The following PRRX1 variants were observed in gnomAD, a reference collection of about 807,000 sequenced individuals.
PRRX1 encodes the protein paired mesoderm homeobox protein 1.
PRRX1 carries 8 observed loss-of-function variants against 24.0 expected under a neutral mutation model. That is an observed-to-expected ratio of 0.33 (90% CI 0.20 to 0.60). PRRX1 has a LOEUF of 0.60. PRRX1 is among the 20% of genes least tolerant of loss of function. PRRX1 has a pLI of 0.82. For synonymous variants in PRRX1, 160 were observed against 131.7 expected (o/e 1.22, Z -1.47); for missense variants, 281 against 322.4 (o/e 0.87, Z 0.98).
intron 1 of PRRX1, among the ~76,000 whole-genome samples, chr1:170,708,668 C>T (rs2101909631): frequency 6.6e-6 from 1 of 152,290 alleles, no homozygotes; most frequent in Middle Eastern, 3.4e-3. Context: ...TATGTATCAT[C>T]ATTATCAAAG....
At chr1:170,696,346 G>T (rs1230841152) in intron 1 of PRRX1, among the ~76,000 whole-genome samples, 1 of 152,102 alleles carries the variant, frequency 6.6e-6, no homozygotes, top group East Asian at 1.9e-4. Flanking sequence ...TATATTTTAC[G>T]TCCTACATTG....
chr1:170,735,249 C>T (rs1391147739), intron 3 of PRRX1, among the ~76,000 whole-genome samples: 1 of 152,064 alleles, frequency 6.6e-6, no homozygotes, highest in Admixed American at 6.6e-5. Flanking sequence ...TAATCTATGA[C>T]AATGAAAAAC....
chr1:170,690,512 T>C (rs1653902367), intron 1 of PRRX1, among the ~76,000 whole-genome samples: 1 of 152,122 alleles, frequency 6.6e-6, no homozygotes. Context: ...AGAAAGTCAG[T>C]TGGATCTTAG....
intron 1 of PRRX1, among the ~76,000 whole-genome samples, chr1:170,711,105 T>C (rs1183369693): frequency 6.6e-6 from 1 of 152,248 alleles, no homozygotes; most frequent in East Asian, 1.9e-4. Flanking sequence ...GAATTTTATT[T>C]CATCTAAAAA....
rs576589132 is a variant in PRRX1 at position 170,738,814 on chromosome 1, C to A, written c.*2628C>A. 1 of 228,792 alleles carries A rather than the reference C, an allele frequency of 4.4e-6. No homozygotes were observed. Among genetic ancestry groups the A allele is most frequent in the African/African-American group, 2.2e-5 (1 of 45,144 alleles). 14.2% of individuals were successfully genotyped at this position (228,792 alleles called of 1,614,324 possible). ...AACAGCAAAGCCTGAACCCATAAAC[C>A]CAAATGATAGGTGAAGTTGGGTGGT... is the stretch of plus-strand genomic sequence containing the variant. On this transcript the variant is annotated 3_prime_UTR_variant, in exon 4 of 4. Transcript: ENST00000239461.
At chr1:170,681,799 C>G (rs1341598854) in intron 1 of PRRX1, among the ~76,000 whole-genome samples, 1 of 152,166 alleles carries the variant, frequency 6.6e-6, no homozygotes. Flanking sequence ...ACAACCTTAA[C>G]TCACAGGTGG....
intron 1 of PRRX1, among the ~76,000 whole-genome samples, chr1:170,710,140 A>C (rs928147670): frequency 6.8e-4 from 103 of 152,322 alleles, no homozygotes; most frequent in Non-Finnish European, 2.8e-4. Flanking sequence ...TGGTAATTAC[A>C]TTACAGCCCT....
intron 1 of PRRX1, among the ~76,000 whole-genome samples, chr1:170,705,483 A>G (rs758423362): frequency 1.6e-4 from 24 of 152,078 alleles, no homozygotes; most frequent in Non-Finnish European, 3.1e-4. Flanking sequence ...GGGTTTCGCA[A>G]TGTTGCTCAG....
At chr1:170,670,196 G>A (rs1653101469) in intron 1 of PRRX1, among the ~76,000 whole-genome samples, 1 of 152,150 alleles carries the variant, frequency 6.6e-6, no homozygotes, top group Admixed American at 6.5e-5. Flanking sequence ...ATTTTACTTT[G>A]ATGCTTTTTG....
intron 1 of PRRX1, among the ~76,000 whole-genome samples, chr1:170,692,785 G>A (rs1654038724): frequency 6.8e-6 from 1 of 148,064 alleles, no homozygotes; most frequent in Non-Finnish European, 1.5e-5. Context: ...ACACGCACAT[G>A]CATCTCTCAC....
intron 1 of PRRX1, among the ~76,000 whole-genome samples, chr1:170,672,927 C>G: frequency 6.6e-6 from 1 of 152,026 alleles, no homozygotes; most frequent in East Asian, 1.9e-4. Context: ...AGCAGTTTGC[C>G]GAAAATCTGT....
chr1:170,726,404 G>A lies in PRRX1; in HGVS notation c.599+3G>A. 6.2e-7 allele frequency: 1 copy of A among 1,613,688 alleles called. No individual in the cohort carries two copies. Among genetic ancestry groups the A allele is most frequent in the Non-Finnish European group, 8.5e-7 (1 of 1,179,636 alleles). On this transcript the variant is annotated splice_donor_region_variant and intron_variant, in intron 3 of 3. Transcript: ENST00000239461. ...TGGGGGACAGCGTCTCCGTACAGGT[G>A]AATGACTGGCCCACTCTCCCTTGCT...
In PRRX1 at chr1:170,736,274, GA is replaced by G. The variant is rs1267748978; in HGVS notation, c.*93del. The G allele has an allele frequency of 1.4e-5, 21 of 1,532,854 alleles. No homozygotes were observed. In the Admixed American group the frequency reaches 3.2e-4, roughly 24 times the overall value. The allele number at this position is 1,532,854 out of a possible 1,614,324, so 95.0% of individuals were successfully genotyped here. The stretch of plus-strand genomic sequence containing the variant: ...CTGTTATTTCTTCATCTGCTGGGGG[GA>G]AAAAGTAAATTACAAACAAACAAAC... On this transcript the variant is annotated 3_prime_UTR_variant, in exon 4 of 4. Coordinates refer to ENST00000239461, the MANE Select transcript of PRRX1 (RefSeq NM_022716.4).
rs1355740920 is a variant in PRRX1, at chr1:170,664,298, C to T, written c.80C>T (p.Thr27Ile). The change falls in exon 1 of 4, where the codon ACC (threonine) becomes ATC (isoleucine). Residue 27 changes from threonine to isoleucine, a missense_variant. Transcript: ENST00000239461. ...TTGGACAGCCCGGGCAACCTCGACA[C>T]CCTGCAGGCGAAAAAGAACTTCTCC... ...GRLDSPGNLD[T>I]LQAKKNFSVS... 1 of 1,613,546 alleles carries T rather than the reference C, an allele frequency of 6.2e-7. No individual in the cohort carries two copies. The highest frequency in any genetic ancestry group is 1.7e-5 in the Admixed American group (1 of 59,966).
chr1:170,724,402 C>G (rs1417503056), intron 2 of PRRX1, among the ~76,000 whole-genome samples: 1 of 152,030 alleles, frequency 6.6e-6, no homozygotes, highest in Non-Finnish European at 1.5e-5. Flanking sequence ...TCTTCTAGAG[C>G]TTTTATAGTT....
chr1:170,719,120 C>G (rs888708133), intron 1 of PRRX1, among the ~76,000 whole-genome samples: 2 of 152,152 alleles, frequency 1.3e-5, no homozygotes, highest in Non-Finnish European at 2.9e-5. Context: ...TAGGCTGAGG[C>G]CTCTGAAGCC....
In PRRX1 at chr1:170,732,776, A is replaced by G. The variant is rs561704512; in HGVS notation, c.600-3272A>G. Among the ~76,000 whole-genome samples, 3 of 152,158 alleles carry G rather than the reference A, an allele frequency of 2.0e-5. No homozygotes were observed. The South Asian group carries it at 6.2e-4, about 32-fold the overall frequency. ...AATTTTGAAAGTTTATACATTTCCT[A>G]AGCATTTATCAAGGGAAAATATTAT... On this transcript the variant is annotated intron_variant, in intron 3 of 3. Coordinates refer to ENST00000239461, the MANE Select transcript of PRRX1 (RefSeq NM_022716.4).
At chr1:170,696,505 C>A (rs1357783277) in intron 1 of PRRX1, among the ~76,000 whole-genome samples, 1 of 151,990 alleles carries the variant, frequency 6.6e-6, no homozygotes, top group African/African-American at 2.4e-5. Flanking sequence ...GTAAAAATAC[C>A]TCACTCAATG....
intron 3 of PRRX1, among the ~76,000 whole-genome samples, chr1:170,732,534 C>T (rs1655465469): frequency 6.6e-6 from 1 of 152,186 alleles, no homozygotes; most frequent in South Asian, 2.1e-4. Context: ...TCACTGCTTG[C>T]CTGTATGGCA....
Sources: gnomAD v4.1 joint callset for allele counts (sites outside exome capture counted in the v4.1 genomes callset) on GRCh38, gnomAD v4.1.1 for gene constraint, MANE v1.5 for transcripts, NCBI Gene and HGNC (gene_info 2026-07-23, HGNC 2026-07-21) for gene names.